The following DOCK9 variants were observed in gnomAD, a reference collection of about 807,000 sequenced individuals.
The protein encoded by DOCK9 is dedicator of cytokinesis 9.
A neutral mutation model predicts 263.3 loss-of-function variants in DOCK9; 89 were observed. The observed-to-expected ratio is 0.34, with a 90% CI of 0.28 to 0.40. The LOEUF (loss-of-function observed/expected upper bound fraction) is 0.40, where lower values mean the gene tolerates loss of function less well. Ranked by LOEUF, DOCK9 falls within the 10% of genes least tolerant of loss-of-function variation. DOCK9 has a pLI of 1.00. For synonymous variants in DOCK9, 976 were observed against 973.1 expected, an observed-to-expected ratio of 1.00 and a Z score of -0.06; for missense variants, 2,140 against 2,603.4, an observed-to-expected ratio of 0.82 and a Z score of 3.87.
At chr13:99,060,250 T>C (rs1270758828) in intron 1 of DOCK9, among the ~76,000 whole-genome samples, 2 of 151,838 alleles carry the variant, frequency 1.3e-5, no homozygotes, top group Non-Finnish European at 1.5e-5. Flanking sequence ...AATTTTTTTG[T>C]ATTTTTTTAG....
At chr13:99,010,257 ATTCT>A (rs1320258233) in intron 1 of DOCK9, among the ~76,000 whole-genome samples, 4 of 152,224 alleles carry the variant, frequency 2.6e-5, no homozygotes, top group African/African-American at 9.6e-5. Flanking sequence ...CAGCTCTTCA[ATTCT>A]TCCACAGCTA....
At chr13:99,021,365 C>T (rs1265054080) in intron 1 of DOCK9, among the ~76,000 whole-genome samples, 4 of 152,126 alleles carry the variant, frequency 2.6e-5, no homozygotes, top group South Asian at 2.1e-4. Context: ...GAAGGCCAGG[C>T]GTGGTGGCTC....
At chr13:99,086,232 G>C in exon 1 of DOCK9, 1 of 1,504,178 alleles carries the variant, frequency 6.6e-7, no homozygotes, top group Non-Finnish European at 8.8e-7. Context: ...CCAGGAGCAC[G>C]GAGCCGCGCA....
At chr13:98,842,779 A>T (rs2093267384) in intron 38 of DOCK9, among the ~76,000 whole-genome samples, 1 of 152,230 alleles carries the variant, frequency 6.6e-6, no homozygotes, top group African/African-American at 2.4e-5. Context: ...AATTACACTA[A>T]ATATGTCAAG....
intron 49 of DOCK9, among the ~76,000 whole-genome samples, chr13:98,804,079 T>C (rs2090422634): frequency 6.6e-6 from 1 of 152,154 alleles, no homozygotes. Flanking sequence ...TTCCGCTTAT[T>C]ATGATAGTGT....
chr13:98,806,777 C>A lies in DOCK9; in HGVS notation c.5514+884G>T, dbSNP rs1361279138. On this transcript the variant is annotated intron_variant, in intron 48 of 52. Coordinates refer to ENST00000682017, the MANE Select transcript of DOCK9 (RefSeq NM_001366683.2). ...TACAAAAATTAGCCAGGCGTGGTGG[C>A]GCGTTCCTGTAATCCCAGCTACTCG... 2.0e-5 allele frequency among the ~76,000 whole-genome samples: 3 copies of A among 151,876 alleles called. No individual in the cohort carries two copies. The South Asian group carries it at 6.2e-4, about 32-fold the overall frequency.
At chr13:99,086,255 C>T (rs2042337870) in exon 1 of DOCK9, 3 of 1,501,416 alleles carry the variant, frequency 2.0e-6, no homozygotes, top group African/African-American at 1.5e-5. Context: ...ACCTCAGACA[C>T]GCTCTGCCGC....
At chr13:99,075,541 T>C (rs1485995254) in intron 1 of DOCK9, among the ~76,000 whole-genome samples, 1 of 151,540 alleles carries the variant, frequency 6.6e-6, no homozygotes, top group African/African-American at 2.4e-5. Flanking sequence ...CCTTTTTTTC[T>C]TTTTTTTAGA....
chr13:99,042,056 T>C (rs1461245703), intron 1 of DOCK9, among the ~76,000 whole-genome samples: 1 of 152,188 alleles, frequency 6.6e-6, no homozygotes, highest in Non-Finnish European at 1.5e-5. Flanking sequence ...AGGAAACAAA[T>C]ACTGAAACCA....
intron 1 of DOCK9, among the ~76,000 whole-genome samples, chr13:99,001,153 C>T (rs572803795): frequency 6.6e-6 from 1 of 152,342 alleles, no homozygotes; most frequent in Admixed American, 6.5e-5. Context: ...CTCCCATCTA[C>T]CGAACTCACT....
chr13:98,998,073 T>G (rs1881453232), intron 1 of DOCK9, among the ~76,000 whole-genome samples: 1 of 152,242 alleles, frequency 6.6e-6, no homozygotes, highest in Non-Finnish European at 1.5e-5. Flanking sequence ...ACACCTGCCA[T>G]TCTCCTCAGC....
chr13:98,925,533 A>C (rs1418988214), intron 4 of DOCK9, among the ~76,000 whole-genome samples: 1 of 152,192 alleles, frequency 6.6e-6, no homozygotes, highest in East Asian at 1.9e-4. Context: ...CAGTACACTT[A>C]CGTTTTGTTT....
chr13:99,060,521 A>G (rs1383678828), intron 1 of DOCK9, among the ~76,000 whole-genome samples: 3 of 152,202 alleles, frequency 2.0e-5, no homozygotes, highest in African/African-American at 7.2e-5. Context: ...AAATAACTCT[A>G]TATTTAACTT....
chr13:98,937,649 T>C (rs2055101478), intron 2 of DOCK9, among the ~76,000 whole-genome samples: 1 of 151,366 alleles, frequency 6.6e-6, no homozygotes, highest in African/African-American at 2.4e-5. Context: ...AAAGGGCTCA[T>C]ATGAGGATGC....
chr13:98,807,882 T>C, intron 47 of DOCK9, 75 bp from the exon 48 acceptor site: 4 of 1,273,334 alleles, frequency 3.1e-6, no homozygotes, highest in Non-Finnish European at 4.2e-6. Context: ...CGTTCTTTTA[T>C]TACAAGGGGG....
intron 1 of DOCK9, among the ~76,000 whole-genome samples, chr13:99,080,459 T>A (rs1162769728): frequency 1.3e-5 from 2 of 152,160 alleles, no homozygotes; most frequent in African/African-American, 4.8e-5. Context: ...GGAAAAAAAA[T>A]CTATTTCAGG....
chr13:99,029,043 G>T (rs12859255), intron 1 of DOCK9, among the ~76,000 whole-genome samples: 2 of 152,090 alleles, frequency 1.3e-5, no homozygotes, highest in African/African-American at 4.8e-5. Context: ...GGACACTAGA[G>T]GGAGACTAGC....
chr13:98,976,432 TCAG>T (rs2060286372), intron 1 of DOCK9, among the ~76,000 whole-genome samples: 1 of 152,232 alleles, frequency 6.6e-6, no homozygotes, highest in South Asian at 2.1e-4. Context: ...TACAGTGTAT[TCAG>T]TCCTGTAGAC....
intron 1 of DOCK9, among the ~76,000 whole-genome samples, chr13:98,995,011 A>G (rs188929020): frequency 6.6e-6 from 1 of 152,342 alleles, no homozygotes; most frequent in African/African-American, 2.4e-5. Flanking sequence ...GAAATTGCAT[A>G]AACAACCCAG....
Sources: gnomAD v4.1 joint callset for allele counts (sites outside exome capture counted in the v4.1 genomes callset) on GRCh38, gnomAD v4.1.1 for gene constraint, MANE v1.5 for transcripts, NCBI Gene and HGNC (gene_info 2026-07-23, HGNC 2026-07-21) for gene names.